Variants in HPCAL1 observed in about 807,000 individuals in gnomAD.
The protein encoded by HPCAL1 is hippocalcin-like protein 1.
In HPCAL1, 8 loss-of-function variants were observed where a neutral mutation model predicts 17.1. That is an observed-to-expected ratio of 0.47 (90% CI 0.27 to 0.84). HPCAL1 has a LOEUF of 0.84. HPCAL1 is among the 40% of genes least tolerant of loss of function. HPCAL1 has a pLI of 0.13. For synonymous variants in HPCAL1, 112 were observed against 111.4 expected (o/e 1.01, Z -0.03); for missense variants, 165 against 271.1 (o/e 0.61, Z 2.75).
intron 3 of HPCAL1, 78 bp downstream of exon 3, chr2:10,420,213 T>TA: frequency 9.0e-7 from 1 of 1,113,764 alleles, no homozygotes; most frequent in Admixed American, 3.3e-5. Flanking sequence ...CCAGGGCTTT[T>TA]TTTTTTTTTT....
At chr2:10,405,456 T>C (rs578180819) in intron 2 of HPCAL1, among the ~76,000 whole-genome samples, 1 of 152,368 alleles carries the variant, frequency 6.6e-6, no homozygotes, top group South Asian at 2.1e-4. Flanking sequence ...CAGGGCAGGC[T>C]GAGGCACTCG....
chr2:10,384,015 G>A lies in HPCAL1; in HGVS notation c.-110-12820G>A, dbSNP rs1051671420. Among the ~76,000 whole-genome samples the A allele has an allele frequency of 5.1e-5, 4 of 78,342 alleles. No homozygotes were observed. Among genetic ancestry groups the A allele is most frequent in the Non-Finnish European group, 7.4e-5 (3 of 40,344 alleles). 51.4% of individuals were successfully genotyped at this position (78,342 alleles called of 152,430 possible). ...ATAATTACACATGCATATACATCGC[G>A]TACACACACACACCCACACACACAC... On this transcript the variant is annotated intron_variant, in intron 1 of 4. Coordinates refer to ENST00000307845, the MANE Select transcript of HPCAL1 (RefSeq NM_002149.4). This position sits in a 1 kb window ranked among gnomAD's most constrained non-coding sequence, Gnocchi z 4.4.
chr2:10,318,633 G>A (rs929407743), intron 1 of HPCAL1, among the ~76,000 whole-genome samples: 12 of 152,166 alleles, frequency 7.9e-5, no homozygotes, highest in African/African-American at 2.9e-4. Flanking sequence ...TTTTCTAGTG[G>A]CAAAGGATGC....
chr2:10,343,419 C>T lies in HPCAL1; in HGVS notation c.-111+40242C>T, dbSNP rs940832291. ...GCACCATATCTCCCTCCAGGACTCC[C>T]GGGTGGGAGGTGGGTGTTTGCATAG... On this transcript the variant is annotated intron_variant, in intron 1 of 4. Transcript: ENST00000307845. The surrounding 1 kb of genome is among the most constrained non-coding windows in gnomAD (Gnocchi z 4.8). Among the ~76,000 whole-genome samples the T allele has an allele frequency of 9.2e-5, 14 of 152,186 alleles. No individual in the cohort carries two copies. The highest frequency in any genetic ancestry group is 4.1e-4 in the South Asian group (2 of 4,832).
At position 10,399,241 on chromosome 2, in the gene HPCAL1, T is replaced by TGC. The variant is rs1669291387; in HGVS notation, c.-25+2321_-25+2322insGC. Among the ~76,000 whole-genome samples the TGC allele has an allele frequency of 3.3e-4, 4 of 12,034 alleles. 1 individual carries two copies. Among genetic ancestry groups the TGC allele is most frequent in the East Asian group, 2.7e-3 (1 of 364 alleles). The allele number at this position is 12,034 out of a possible 152,430, so 7.9% of individuals were successfully genotyped here. ...ACCACCACCACCACCACCACCACCA[T>TGC]CACCACCACCACCACCACCATCACC... is the stretch of plus-strand genomic sequence containing the variant. On this transcript the variant is annotated intron_variant, in intron 2 of 4. Coordinates refer to ENST00000307845, the MANE Select transcript of HPCAL1 (RefSeq NM_002149.4).
At chr2:10,350,357 T>C (rs1349858694) in intron 1 of HPCAL1, among the ~76,000 whole-genome samples, 1 of 151,680 alleles carries the variant, frequency 6.6e-6, no homozygotes, top group Admixed American at 6.6e-5. Flanking sequence ...TCTTGCTCTG[T>C]TGCCCAGGCT....
chr2:10,316,089 A>G (rs1663296044), intron 1 of HPCAL1, among the ~76,000 whole-genome samples: 1 of 152,034 alleles, frequency 6.6e-6, no homozygotes. Flanking sequence ...TATCTAGAAT[A>G]TGGTTTTTCT....
At chr2:10,309,446 CG>C (rs1662819593) in intron 1 of HPCAL1, among the ~76,000 whole-genome samples, 1 of 152,192 alleles carries the variant, frequency 6.6e-6, no homozygotes, top group South Asian at 2.1e-4. Flanking sequence ...CTTTCTCTTC[CG>C]CCCTTGTTTT....
chr2:10,327,266 A>G (rs1253420937), intron 1 of HPCAL1, among the ~76,000 whole-genome samples: 2 of 152,182 alleles, frequency 1.3e-5, no homozygotes, highest in East Asian at 3.8e-4. Flanking sequence ...CAGAATTTCA[A>G]AACATGCATT....
rs754854618 is a variant in HPCAL1, at chr2:10,365,323, G to A, written c.-110-31512G>A. Among the ~76,000 whole-genome samples the A allele has an allele frequency of 3.3e-5, 5 of 152,298 alleles. No homozygotes were observed. Among genetic ancestry groups the A allele is most frequent in the South Asian group, 2.1e-4 (1 of 4,828 alleles). ...TGTGCACCTGCCTCCAGGTGGTGGC[G>A]CGGTAATTGCAAGAGCGTGAGCCCC... is the stretch of plus-strand genomic sequence containing the variant. On this transcript the variant is annotated intron_variant, in intron 1 of 4. Transcript: ENST00000307845. The surrounding 1 kb of genome is among the most constrained non-coding windows in gnomAD (Gnocchi z 4.8).
intron 1 of HPCAL1, among the ~76,000 whole-genome samples, chr2:10,312,019 G>A (rs56158659): frequency 0.68 from 101,347 of 149,670 alleles, 34,185 homozygotes; most frequent in East Asian, 0.91. Flanking sequence ...CACTGTTATC[G>A]TCACCATTCA....
chr2:10,395,076 C>T lies in HPCAL1; in HGVS notation c.-110-1759C>T, dbSNP rs1462087575. Among the ~76,000 whole-genome samples the T allele has an allele frequency of 6.6e-6, 1 of 151,046 alleles. No homozygotes were observed. The highest frequency in any genetic ancestry group is 1.5e-5 in the Non-Finnish European group (1 of 67,844). ...CTTCCCAGAGTGCTGGGATTACAGG[C>T]GTGAACAATGGTGTCCAGCCTAAAA... On this transcript the variant is annotated intron_variant, in intron 1 of 4. Coordinates refer to ENST00000307845, the MANE Select transcript of HPCAL1 (RefSeq NM_002149.4). This position sits in a 1 kb window ranked among gnomAD's most constrained non-coding sequence, Gnocchi z 4.4.
At chr2:10,383,815 G>C (rs185396241) in intron 1 of HPCAL1, among the ~76,000 whole-genome samples, 21 of 152,188 alleles carry the variant, frequency 1.4e-4, no homozygotes, top group Non-Finnish European at 2.6e-4. Flanking sequence ...GGGAAGGGGG[G>C]GCTGTCCTGT....
intron 2 of HPCAL1, among the ~76,000 whole-genome samples, chr2:10,404,804 G>A (rs1456589181): frequency 3.3e-5 from 5 of 152,202 alleles, no homozygotes; most frequent in Non-Finnish European, 7.4e-5. Context: ...CTAGGCCACC[G>A]TGGTCCCAGG....
At chr2:10,326,960 C>T (rs543791588) in intron 1 of HPCAL1, among the ~76,000 whole-genome samples, 68 of 152,332 alleles carry the variant, frequency 4.5e-4, no homozygotes, top group Middle Eastern at 6.8e-3. Context: ...GTCCCTTTGG[C>T]TCAGCTCTGG....
chr2:10,378,098 C>G (rs1667694350), intron 1 of HPCAL1, among the ~76,000 whole-genome samples: 1 of 151,802 alleles, frequency 6.6e-6, no homozygotes, highest in African/African-American at 2.4e-5. Flanking sequence ...GTTTAAGGTT[C>G]TTGATGGGGT....
chr2:10,346,684 A>G (rs1468953623), intron 1 of HPCAL1, among the ~76,000 whole-genome samples: 1 of 152,182 alleles, frequency 6.6e-6, no homozygotes, highest in African/African-American at 2.4e-5. Context: ...GTTTTCCAGT[A>G]GCAGGCGTTG....
Position 10,359,037 on chromosome 2 carries a change from T to C in HPCAL1, c.-110-37798T>C, listed in dbSNP as rs751071563. The stretch of plus-strand genomic sequence containing the variant: ...CCCGTCTGCATGCTCCCCTTGAGGT[T>C]TGACCCGTCTGCATGCTCCCCTCGA... On this transcript the variant is annotated intron_variant, in intron 1 of 4. Transcript: ENST00000307845. The surrounding 1 kb of genome is among the most constrained non-coding windows in gnomAD (Gnocchi z 4.1). Among the ~76,000 whole-genome samples, 6 of 146,778 alleles carry C rather than the reference T, an allele frequency of 4.1e-5. No individual in the cohort carries two copies. Among genetic ancestry groups the C allele is most frequent in the East Asian group, 1.9e-4 (1 of 5,138 alleles).
chr2:10,307,850 A>G (rs1296030779), intron 1 of HPCAL1, among the ~76,000 whole-genome samples: 1 of 152,190 alleles, frequency 6.6e-6, no homozygotes, highest in East Asian at 1.9e-4. Context: ...TTCCCAGTTT[A>G]AAACGCAGAT....
Sources: gnomAD v4.1 joint callset for allele counts (sites outside exome capture counted in the v4.1 genomes callset) on GRCh38, gnomAD v4.1.1 for gene constraint, Gnocchi (gnomAD v3.1) non-coding constraint, MANE v1.5 for transcripts, NCBI Gene and HGNC (gene_info 2026-07-23, HGNC 2026-07-21) for gene names.